Variants in CA10 observed in about 807,000 individuals in gnomAD.
CA10 encodes carbonic anhydrase 10 (inactive), also known as carbonic anhydrase-related protein 10.
A neutral mutation model predicts 44.2 loss-of-function variants in CA10; 14 were observed. That is an observed-to-expected ratio of 0.32 (90% CI 0.21 to 0.50). The LOEUF is 0.50. CA10 is among the 20% of genes least tolerant of loss of function. CA10 has a pLI of 0.99. For missense variants in CA10, 350 were observed against 409.7 expected, an observed-to-expected ratio of 0.85 and a Z score of 1.26; for synonymous variants, 159 against 141.6, an observed-to-expected ratio of 1.12 and a Z score of -0.87.
At chr17:52,093,865 T>C (rs1270410217) in intron 1 of CA10, among the ~76,000 whole-genome samples, 1 of 152,180 alleles carries the variant, frequency 6.6e-6, no homozygotes, top group Non-Finnish European at 1.5e-5. Flanking sequence ...ACCTTATTTA[T>C]ACATAAAGAC....
At chr17:52,150,420 T>C (rs1989678346) in intron 1 of CA10, among the ~76,000 whole-genome samples, 1 of 152,192 alleles carries the variant, frequency 6.6e-6, no homozygotes, top group Non-Finnish European at 1.5e-5. Flanking sequence ...TGAAGAATTT[T>C]TGGAGGAAAA....
intron 2 of CA10, among the ~76,000 whole-genome samples, chr17:51,944,176 A>T (rs186889854): frequency 6.6e-6 from 1 of 152,332 alleles, no homozygotes; most frequent in African/African-American, 2.4e-5. Flanking sequence ...CCACATTTTA[A>T]AATGAACGGT....
At chr17:51,987,616 A>G (rs113674988) in intron 2 of CA10, among the ~76,000 whole-genome samples, 8 of 152,074 alleles carry the variant, frequency 5.3e-5, no homozygotes, top group Non-Finnish European at 7.4e-5. Context: ...TTTATTCAGA[A>G]TATTCTATGT....
chr17:51,955,517 G>A (rs1250940234), intron 2 of CA10, among the ~76,000 whole-genome samples: 1 of 152,044 alleles, frequency 6.6e-6, no homozygotes, highest in African/African-American at 2.4e-5. Flanking sequence ...CCACTCTCTT[G>A]GGCATGCTTT....
chr17:51,933,834 T>G (rs950721386), intron 2 of CA10, among the ~76,000 whole-genome samples: 1 of 152,152 alleles, frequency 6.6e-6, no homozygotes, highest in African/African-American at 2.4e-5. Context: ...ATTATAAGAC[T>G]GCTATTATGT....
intron 5 of CA10, 30 bp downstream of exon 5, chr17:51,653,611 G>T: frequency 8.7e-7 from 1 of 1,143,902 alleles, no homozygotes; most frequent in Non-Finnish European, 1.3e-6. Context: ...TGGGGATGGT[G>T]AGAAGAATGA....
chr17:51,673,205 A>C (rs1391121743), intron 4 of CA10, among the ~76,000 whole-genome samples: 1 of 152,178 alleles, frequency 6.6e-6, no homozygotes, highest in African/African-American at 2.4e-5. Context: ...TCTTGAGTTC[A>C]TTCTCCTTTG....
At chr17:51,705,734 T>G (rs2143474156) in intron 4 of CA10, among the ~76,000 whole-genome samples, 1 of 152,174 alleles carries the variant, frequency 6.6e-6, no homozygotes. Flanking sequence ...TCTCAAACCT[T>G]AAGGGGGAGG....
intron 6 of CA10, among the ~76,000 whole-genome samples, chr17:51,639,975 C>G (rs1020452315): frequency 6.6e-6 from 1 of 152,152 alleles, no homozygotes; most frequent in Non-Finnish European, 1.5e-5. Flanking sequence ...ATCCTCCTAC[C>G]CTGCCCTGGA....
intron 2 of CA10, among the ~76,000 whole-genome samples, chr17:51,967,501 T>C (rs532137772): frequency 6.6e-6 from 1 of 152,000 alleles, no homozygotes; most frequent in East Asian, 1.9e-4. Context: ...TGGAATACTA[T>C]GCAGCTATAA....
chr17:51,926,122 A>T (rs2143983005), intron 3 of CA10, among the ~76,000 whole-genome samples: 1 of 152,292 alleles, frequency 6.6e-6, no homozygotes, highest in East Asian at 1.9e-4. Context: ...CAGAGACCAA[A>T]CACAGGACCC....
chr17:51,938,843 G>A (rs1184314345), intron 2 of CA10, among the ~76,000 whole-genome samples: 1 of 152,026 alleles, frequency 6.6e-6, no homozygotes, highest in Non-Finnish European at 1.5e-5. Context: ...TTTTACAGGT[G>A]AGGAAAATAA....
intron 1 of CA10, among the ~76,000 whole-genome samples, chr17:52,133,543 A>G (rs1285084052): frequency 1.3e-5 from 2 of 152,194 alleles, no homozygotes; most frequent in South Asian, 2.1e-4. Context: ...ACAGTTGCAT[A>G]TCAGAAACTG....
intron 1 of CA10, among the ~76,000 whole-genome samples, chr17:52,096,978 T>C (rs1376941732): frequency 2.0e-5 from 3 of 152,356 alleles, no homozygotes; most frequent in African/African-American, 7.2e-5. Context: ...GTATAAATGA[T>C]CATGGATTTG....
At chr17:52,153,223 A>T (rs1249149319) in intron 1 of CA10, among the ~76,000 whole-genome samples, 2 of 152,136 alleles carry the variant, frequency 1.3e-5, no homozygotes, top group East Asian at 1.9e-4. Flanking sequence ...GATGATGGTT[A>T]TCTGTCAGTA....
rs35736803 is a variant in CA10 at position 51,913,641 on chromosome 17, G to GTAGAATGC, written c.279+17348_279+17349insGCATTCTA. ...TTTCAGCAGTGCTTGCAAGAGTGGA[G>GTAGAATGC]TGTTAGAGAAGTCCGAATGACCGCA... On this transcript the variant is annotated intron_variant, in intron 3 of 8. Coordinates refer to ENST00000451037, the MANE Select transcript of CA10 (RefSeq NM_020178.5). Among the ~76,000 whole-genome samples the GTAGAATGC allele has an allele frequency of 2.5e-4, 3 of 12,134 alleles. No individual in the cohort carries two copies. In the African/African-American group the frequency reaches 3.2e-3, roughly 13 times the overall value. The allele number at this position is 12,134 out of a possible 152,430, so 8.0% of individuals were successfully genotyped here. A position where few individuals can be genotyped will look rare whatever the true frequency, so the allele number is the denominator to read the frequency against.
chr17:52,020,339 A>G (rs1301009785), intron 2 of CA10, among the ~76,000 whole-genome samples: 1 of 151,988 alleles, frequency 6.6e-6, no homozygotes, highest in Non-Finnish European at 1.5e-5. Context: ...TTAATTCTGC[A>G]TAAATTTTAA....
chr17:51,957,583 A>G (rs1458295472), intron 2 of CA10, among the ~76,000 whole-genome samples: 3 of 152,176 alleles, frequency 2.0e-5, no homozygotes, highest in African/African-American at 4.8e-5. Context: ...CACTGCCTCC[A>G]AGGAGCACCT....
chr17:51,976,593 A>T (rs892604078), intron 2 of CA10, among the ~76,000 whole-genome samples: 3 of 126,660 alleles, frequency 2.4e-5, no homozygotes, highest in African/African-American at 7.4e-5. Context: ...TGTAGAATGC[A>T]GTTAAAGCAG....
Sources: gnomAD v4.1 joint callset for allele counts (sites outside exome capture counted in the v4.1 genomes callset) on GRCh38, gnomAD v4.1.1 for gene constraint, MANE v1.5 for transcripts, NCBI Gene and HGNC (gene_info 2026-07-23, HGNC 2026-07-21) for gene names.